Variants in TMEM266 observed in about 807,000 individuals in gnomAD.
The protein encoded by TMEM266 is Hv1 related protein 1.
Under a neutral mutation model 50.5 loss-of-function variants are expected in TMEM266, and 33 were observed. The ratio of observed to expected loss-of-function variants is 0.65; its 90% confidence interval spans 0.50 to 0.87. TMEM266 has a LOEUF of 0.87. Among genes scored for constraint, TMEM266 ranks in the 40% least tolerant of loss-of-function variants. The pLI, the probability that TMEM266 is intolerant of heterozygous loss-of-function variation, is 0.00. For missense variants in TMEM266, 655 were observed against 695.1 expected (o/e 0.94, Z 0.65); for synonymous variants, 310 against 292.3 (o/e 1.06, Z -0.62).
intron 9 of TMEM266, among the ~76,000 whole-genome samples, chr15:76,194,628 G>T (rs1431736014): frequency 6.6e-6 from 1 of 152,216 alleles, no homozygotes; most frequent in Non-Finnish European, 1.5e-5. Flanking sequence ...TCCCTCTGGG[G>T]GCTGGGAGTG....
intron 1 of TMEM266, among the ~76,000 whole-genome samples, chr15:76,118,822 G>A (rs990020033): frequency 2.6e-5 from 4 of 152,220 alleles, no homozygotes; most frequent in African/African-American, 7.2e-5. Flanking sequence ...GTGTCATCAC[G>A]TAGTAGCATC....
chr15:76,198,587 G>A (rs760894232), intron 9 of TMEM266, among the ~76,000 whole-genome samples: 27 of 152,232 alleles, frequency 1.8e-4, no homozygotes, highest in Non-Finnish European at 3.8e-4. Context: ...CCTGGAGTAG[G>A]GGTGGAGGCT....
intron 3 of TMEM266, among the ~76,000 whole-genome samples, chr15:76,147,104 G>T (rs1279620279): frequency 2.0e-5 from 3 of 152,220 alleles, no homozygotes; most frequent in African/African-American, 4.8e-5. Context: ...GTTGGGAGCT[G>T]GTCCCTAGAT....
At chr15:76,088,927 C>T (rs1472597619) in intron 1 of TMEM266, among the ~76,000 whole-genome samples, 14 of 151,284 alleles carry the variant, frequency 9.3e-5, no homozygotes, top group Admixed American at 5.3e-4. Context: ...AACCCCGTCT[C>T]TACTAAAAAT....
chr15:76,118,320 G>A (rs1191448403), intron 1 of TMEM266, among the ~76,000 whole-genome samples: 1 of 152,198 alleles, frequency 6.6e-6, no homozygotes, highest in Admixed American at 6.5e-5. Context: ...CCAGCACTTT[G>A]GGAAGCCGAG....
chr15:76,143,946 A>G (rs1385693965), intron 3 of TMEM266, among the ~76,000 whole-genome samples: 1 of 152,016 alleles, frequency 6.6e-6, no homozygotes, highest in Admixed American at 6.6e-5. Flanking sequence ...AGGGATCCCA[A>G]ACGTATCTCA....
At chr15:76,131,905 T>C (rs2037514642) in intron 1 of TMEM266, among the ~76,000 whole-genome samples, 1 of 152,212 alleles carries the variant, frequency 6.6e-6, no homozygotes, top group Non-Finnish European at 1.5e-5. Flanking sequence ...GTTCAGACTT[T>C]CCCAGGATTT....
chr15:76,152,278 G>A lies in TMEM266; in HGVS notation c.228-4326G>A, dbSNP rs74920636. Among the ~76,000 whole-genome samples, 1,051 of 152,314 alleles carry A rather than the reference G, an allele frequency of 6.9e-3. 8 individuals are homozygous for A. The highest frequency in any genetic ancestry group is 0.01 in the Non-Finnish European group (703 of 68,028). ...GTACCCCCAACAAGGAGACCTGCAC[G>A]AACTCACTCCCAGACTGGCACAGTG... On this transcript the variant is annotated intron_variant, in intron 3 of 10. Transcript: ENST00000388942.
intron 9 of TMEM266, among the ~76,000 whole-genome samples, chr15:76,201,167 T>G (rs1283806720): frequency 6.6e-6 from 1 of 152,118 alleles, no homozygotes; most frequent in Admixed American, 6.5e-5. Flanking sequence ...ACCCTGGGCA[T>G]TGCAGTCTCT....
intron 9 of TMEM266, among the ~76,000 whole-genome samples, chr15:76,192,631 C>T (rs1429486451): frequency 6.6e-6 from 1 of 152,192 alleles, no homozygotes; most frequent in African/African-American, 2.4e-5. Context: ...GCCACAGTAG[C>T]CCAGAGCTTG....
intron 1 of TMEM266, among the ~76,000 whole-genome samples, chr15:76,126,182 G>C (rs979946278): frequency 6.6e-6 from 1 of 151,654 alleles, no homozygotes; most frequent in African/African-American, 2.4e-5. Flanking sequence ...TAGAACTACC[G>C]TATGATCCAG....
chr15:76,175,919 G>C, intron 8 of TMEM266: 1 of 389,558 alleles, frequency 2.6e-6, no homozygotes, highest in East Asian at 5.5e-5. Flanking sequence ...ACTGTAGCAC[G>C]GTGACTCTTC....
intron 7 of TMEM266, among the ~76,000 whole-genome samples, chr15:76,171,700 C>T (rs927040681): frequency 6.6e-6 from 1 of 152,216 alleles, no homozygotes; most frequent in Non-Finnish European, 1.5e-5. Context: ...TCTTTAGTGA[C>T]GTGCCTTTCC....
intron 8 of TMEM266, among the ~76,000 whole-genome samples, chr15:76,190,868 G>T (rs1487412406): frequency 6.6e-6 from 1 of 152,168 alleles, no homozygotes; most frequent in Non-Finnish European, 1.5e-5. Flanking sequence ...CCCGGGCGTG[G>T]TATTTCTCTG....
intron 3 of TMEM266, among the ~76,000 whole-genome samples, chr15:76,142,970 C>A (rs1165622436): frequency 6.6e-6 from 1 of 152,318 alleles, no homozygotes; most frequent in East Asian, 1.9e-4. Context: ...CCCAAGGTGG[C>A]CAGTTCTGAT....
intron 1 of TMEM266, among the ~76,000 whole-genome samples, chr15:76,063,675 C>G (rs1408321871): frequency 6.6e-6 from 1 of 152,226 alleles, no homozygotes. Context: ...CCATCTCCCC[C>G]ATGGAATGAA....
In TMEM266 at chr15:76,167,588, G is replaced by A. The variant is rs189057507; in HGVS notation, c.457-2228G>A. On this transcript the variant is annotated intron_variant, in intron 5 of 10. Coordinates refer to ENST00000388942, the MANE Select transcript of TMEM266 (RefSeq NM_152335.3). The stretch of plus-strand genomic sequence containing the variant: ...ATGATCTCAGCTCACTGTAACCTCC[G>A]CCTCCCAGGTTCAAGCAATTCTCCT... Among the ~76,000 whole-genome samples, 517 of 151,444 alleles carry A rather than the reference G, an allele frequency of 3.4e-3. 5 individuals are homozygous for A. Among genetic ancestry groups the A allele is most frequent in the African/African-American group, 0.012 (478 of 41,300 alleles).
intron 8 of TMEM266, among the ~76,000 whole-genome samples, chr15:76,181,866 C>G (rs2038413711): frequency 6.6e-6 from 1 of 152,208 alleles, no homozygotes. Flanking sequence ...TCTGAAGTCT[C>G]CGTTACACCC....
intron 3 of TMEM266, among the ~76,000 whole-genome samples, chr15:76,151,688 C>A (rs1465457127): frequency 6.6e-6 from 1 of 152,138 alleles, no homozygotes; most frequent in East Asian, 1.9e-4. Context: ...TTTGCCATAC[C>A]CCCTTTACCT....
Sources: allele counts gnomAD v4.1 joint callset (sites outside exome capture counted in the v4.1 genomes callset), GRCh38; gene constraint gnomAD v4.1.1; transcripts MANE v1.5; gene names NCBI Gene and HGNC (gene_info 2026-07-23, HGNC 2026-07-21).